The following AFF1 variants were observed in gnomAD, a reference collection of about 807,000 sequenced individuals.
The protein encoded by AFF1 is ALF transcription elongation factor 1, also known as AF4/FMR2 family member 1.
AFF1 carries 48 observed loss-of-function variants against 121.7 expected under a neutral mutation model. The ratio of observed to expected loss-of-function variants is 0.39; its 90% CI spans 0.31 to 0.50. The LOEUF (loss-of-function observed/expected upper bound fraction) is 0.50. Among genes scored for constraint, AFF1 ranks in the 20% least tolerant of loss-of-function variants. The pLI is 0.76. For missense variants in AFF1, 1,523 were observed against 1,511.7 expected, an observed-to-expected ratio of 1.01 and a Z score of -0.12; for synonymous variants, 613 against 563.0, an observed-to-expected ratio of 1.09 and a Z score of -1.26.
chr4:87,092,710 C>T (rs966573474), intron 7 of AFF1, among the ~76,000 whole-genome samples: 1 of 152,112 alleles, frequency 6.6e-6, no homozygotes, highest in Non-Finnish European at 1.5e-5. Flanking sequence ...TGTAGAGATA[C>T]TGAATAAGAT....
At chr4:86,998,277 G>A (rs1420604832) in intron 2 of AFF1, among the ~76,000 whole-genome samples, 2 of 152,122 alleles carry the variant, frequency 1.3e-5, no homozygotes, top group African/African-American at 2.4e-5. Context: ...GACAACAGAT[G>A]TCCCTGGAGA....
chr4:87,107,417 A>G (rs1433262842), intron 10 of AFF1, among the ~76,000 whole-genome samples: 2 of 152,180 alleles, frequency 1.3e-5, no homozygotes, highest in Non-Finnish European at 2.9e-5. Context: ...CATTCTTAAA[A>G]TTTGGAGTAG....
chr4:87,091,975 ATTC>A, intron 7 of AFF1, 146 bp downstream of exon 7: 1 of 665,404 alleles, frequency 1.5e-6, no homozygotes, highest in South Asian at 1.8e-5. Context: ...ATATAAAACT[ATTC>A]TTTATGTGGG....
chr4:87,079,215 C>G lies in AFF1; in HGVS notation c.1060-4905C>G, dbSNP rs145973814. On this transcript the variant is annotated intron_variant, in intron 4 of 20. Coordinates refer to ENST00000395146, the MANE Select transcript of AFF1 (RefSeq NM_001166693.3). Reference sequence around the variant, plus strand: ...TTATAAAAATGCCGCTCTGTTGAAACTTGAGAGACTTAAAACACAATATTG... The same window carrying G: ...TTATAAAAATGCCGCTCTGTTGAAAGTTGAGAGACTTAAAACACAATATTG... Among the ~76,000 whole-genome samples, 625 of 152,308 alleles carry G rather than the reference C, an allele frequency of 4.1e-3. 6 individuals carry two copies. The highest frequency in any genetic ancestry group is 0.014 in the Middle Eastern group (4 of 294).
intron 19 of AFF1, among the ~76,000 whole-genome samples, chr4:87,132,678 TTTTG>T (rs1017376840): frequency 9.9e-5 from 15 of 152,114 alleles, no homozygotes; most frequent in Non-Finnish European, 1.8e-4. Context: ...GCTTTGAGGT[TTTTG>T]TTTGTTTCTT....
Position 87,127,023 on chromosome 4 carries a change from A to C in AFF1, c.2812-3A>C, listed in dbSNP as rs1728314247. ...AATCTGTATATTGATTTTTTTTTTG[A>C]AGGGTTCTTCCGGAGATACTGCAAA... On this transcript the variant is annotated splice_polypyrimidine_tract_variant and splice_region_variant and intron_variant, in intron 14 of 20. Coordinates refer to ENST00000395146, the MANE Select transcript of AFF1 (RefSeq NM_001166693.3). 6.3e-7 allele frequency: 1 copy of C among 1,589,628 alleles called. No individual in the cohort carries two copies. Among genetic ancestry groups the C allele is most frequent in the African/African-American group, 1.4e-5 (1 of 73,674 alleles).
chr4:87,093,178 T>C (rs1724486704), intron 7 of AFF1, among the ~76,000 whole-genome samples: 1 of 152,350 alleles, frequency 6.6e-6, no homozygotes, highest in Non-Finnish European at 1.5e-5. Context: ...GTAATGTGGG[T>C]CAATTCCTTG....
At chr4:87,105,926 C>T in intron 10 of AFF1, 81 bp downstream of exon 10, 1 of 1,526,620 alleles carries the variant, frequency 6.6e-7, no homozygotes, top group Non-Finnish European at 9.1e-7. Context: ...TTATTTAGTA[C>T]TTTCACATTT....
rs34072831 is a variant in AFF1 at position 87,001,207 on chromosome 4, C to CTTTTTTTTTTTTTTTTT, written c.39-44948_39-44932dup. Reference sequence around the variant, plus strand: ...TGAGAGGACTGCTTTCCTTTTTCTACTTTTTTTTTTTTTTTTTTTTTTTTT... The same window carrying CTTTTTTTTTTTTTTTTT: ...TGAGAGGACTGCTTTCCTTTTTCTACTTTTTTTTTTTTTTTTTTTTTTTTTTTTTTTTTTTTTTTTTT... On this transcript the variant is annotated intron_variant, in intron 2 of 20. Coordinates refer to ENST00000395146, the MANE Select transcript of AFF1 (RefSeq NM_001166693.3). Among the ~76,000 whole-genome samples the CTTTTTTTTTTTTTTTTT allele has an allele frequency of 6.6e-5, 4 of 60,298 alleles. 1 individual carries two copies. Among genetic ancestry groups the CTTTTTTTTTTTTTTTTT allele is most frequent in the Non-Finnish European group, 9.0e-5 (3 of 33,310 alleles). 39.6% of individuals were successfully genotyped at this position (60,298 alleles called of 152,430 possible).
intron 16 of AFF1, 89 bp from the exon 17 acceptor site, chr4:87,130,994 G>A: frequency 1.3e-6 from 2 of 1,516,226 alleles, no homozygotes; most frequent in Non-Finnish European, 1.8e-6. Flanking sequence ...AACTAAGACA[G>A]TGGAGGAAAG....
At chr4:86,954,137 C>T (rs1321233616) in intron 2 of AFF1, among the ~76,000 whole-genome samples, 1 of 152,138 alleles carries the variant, frequency 6.6e-6, no homozygotes, top group East Asian at 1.9e-4. Flanking sequence ...CTTGTAACAC[C>T]CTGCATTTGT....
chr4:87,012,420 G>A (rs1726870493), intron 2 of AFF1, among the ~76,000 whole-genome samples: 1 of 151,956 alleles, frequency 6.6e-6, no homozygotes, highest in East Asian at 1.9e-4. Flanking sequence ...CATGCTTCTT[G>A]GCTCAGAAAT....
intron 10 of AFF1, among the ~76,000 whole-genome samples, chr4:87,106,802 A>C (rs1413185932): frequency 6.6e-6 from 1 of 152,254 alleles, no homozygotes; most frequent in African/African-American, 2.4e-5. Context: ...CGACATTAGC[A>C]ATAAAATCTT....
chr4:87,118,607 G>T (rs769053306), intron 12 of AFF1, among the ~76,000 whole-genome samples: 2 of 152,122 alleles, frequency 1.3e-5, no homozygotes, highest in African/African-American at 4.8e-5. Context: ...CCTGGGCTCA[G>T]GTGACCCTCC....
intron 2 of AFF1, among the ~76,000 whole-genome samples, chr4:87,013,046 T>TTTTTTTTTG: frequency 2.2e-5 from 3 of 133,572 alleles, no homozygotes; most frequent in African/African-American, 9.6e-5. Flanking sequence ...TTTTTTTTTT[T>TTTTTTTTTG]TTTTTTTTTT....
At chr4:87,032,262 T>C (rs1018854168) in intron 2 of AFF1, among the ~76,000 whole-genome samples, 4 of 152,236 alleles carry the variant, frequency 2.6e-5, no homozygotes, top group South Asian at 2.1e-4. Flanking sequence ...AAAATACCAA[T>C]AGATGTTTCC....
chr4:87,046,916 G>A lies in AFF1; in HGVS notation c.381G>A (p.Ala127=), dbSNP rs748778328. 2.0e-5 allele frequency: 33 copies of A among 1,614,038 alleles called. 1 individual carries two copies. Among genetic ancestry groups the A allele is most frequent in the African/African-American group, 6.7e-5 (5 of 74,912 alleles). ...SVHHQSIHTP[A]SGPLSVGNIS... The stretch of plus-strand genomic sequence containing the variant: ...ACCACCAGTCCATTCACACTCCTGC[G>A]TCTGGACCACTTTCTGTTGGCAACA... Residue 127 remains alanine (A), a synonymous_variant, in exon 4 of 21, where the codon GCG becomes GCA. Coordinates refer to ENST00000395146, the MANE Select transcript of AFF1 (RefSeq NM_001166693.3).
At chr4:87,049,652 ACAGT>A (rs1399231839) in intron 4 of AFF1, 3 of 456,106 alleles carry the variant, frequency 6.6e-6, no homozygotes, top group Non-Finnish European at 1.3e-5. Flanking sequence ...GCCTCTGTTC[ACAGT>A]CAGCATTTCC....
Position 87,105,664 on chromosome 4 carries a change from G to T in AFF1, c.1320G>T (p.Glu440Asp), listed in dbSNP as rs757966329. 1.9e-6 allele frequency: 3 copies of T among 1,614,152 alleles called. No homozygotes were observed. Among genetic ancestry groups the T allele is most frequent in the Non-Finnish European group, 2.5e-6 (3 of 1,180,020 alleles). The change falls in exon 9 of 21, where the codon GAG becomes GAT. Residue 440 changes from glutamate (E) to aspartate (D), a missense_variant. Physicochemically the swap from Glu to Asp is conservative, Grantham distance 45 (BLOSUM62 2). Transcript: ENST00000395146. ...ACGACCTTCAGCTCAGTGACAGTGA[G>T]GACAGTGACAGTGAACAAGTAAGTG... ...LEDDLQLSDS[E>D]DSDSEQTPEK...
Sources: gnomAD v4.1 joint callset for allele counts (sites outside exome capture counted in the v4.1 genomes callset) on GRCh38, gnomAD v4.1.1 for gene constraint, MANE v1.5 for transcripts, NCBI Gene and HGNC (gene_info 2026-07-23, HGNC 2026-07-21) for gene names.